The following CHN2 variants were observed in gnomAD, a reference collection of about 807,000 sequenced individuals.
The protein encoded by CHN2 is chimerin 2, also known as beta-chimaerin.
In CHN2, 35 loss-of-function variants were observed where a neutral mutation model predicts 56.3. The ratio of observed to expected loss-of-function variants is 0.62; its 90% confidence interval spans 0.47 to 0.82. CHN2 has a LOEUF of 0.82. Among genes scored for constraint, CHN2 ranks in the 40% least tolerant of loss-of-function variants. The pLI is 0.00. For synonymous variants in CHN2, 210 were observed against 212.8 expected, an observed-to-expected ratio of 0.99 and a Z score of 0.12; for missense variants, 491 against 580.5, an observed-to-expected ratio of 0.85 and a Z score of 1.58.
At chr7:29,195,257 G>C (rs2128761930) in intron 1 of CHN2, 1 of 410,734 alleles carries the variant, frequency 2.4e-6, no homozygotes, top group Non-Finnish European at 4.3e-6. Flanking sequence ...GGAGTGCAGC[G>C]AGCGAAAAGC....
At chr7:29,160,106 C>T (rs931481122) in intron 2 of CHN2, among the ~76,000 whole-genome samples, 1 of 152,106 alleles carries the variant, frequency 6.6e-6, no homozygotes, top group Non-Finnish European at 1.5e-5. Context: ...ATAAAGAAAG[C>T]TCACTTTCCT....
intron 3 of CHN2, among the ~76,000 whole-genome samples, chr7:29,383,483 A>G (rs944029377): frequency 1.3e-4 from 20 of 152,296 alleles, no homozygotes; most frequent in Middle Eastern, 3.4e-3. Context: ...GGGGAGGGCC[A>G]TCTTCTTTAC....
chr7:29,295,502 C>T (rs1476209201), intron 1 of CHN2, among the ~76,000 whole-genome samples: 1 of 151,900 alleles, frequency 6.6e-6, no homozygotes, highest in Non-Finnish European at 1.5e-5. Context: ...GTGGCTCACG[C>T]CTGTGATCTC....
At chr7:29,282,416 T>A (rs1215198146) in intron 1 of CHN2, among the ~76,000 whole-genome samples, 1 of 152,232 alleles carries the variant, frequency 6.6e-6, no homozygotes, top group East Asian at 1.9e-4. Flanking sequence ...CTGAAATAGC[T>A]TTCCTTTTTC....
At chr7:29,260,807 G>A (rs1461339958) in intron 1 of CHN2, among the ~76,000 whole-genome samples, 1 of 152,172 alleles carries the variant, frequency 6.6e-6, no homozygotes, top group Admixed American at 6.5e-5. Context: ...GTCTGTGGTA[G>A]TTTCTCCCAA....
chr7:29,197,940 C>T (rs1290519528), intron 1 of CHN2: 2 of 456,248 alleles, frequency 4.4e-6, no homozygotes, highest in Non-Finnish European at 8.8e-6. Flanking sequence ...GAGAAAAAGA[C>T]ATTTCAGGAA....
chr7:29,212,875 C>T (rs1206980189), intron 1 of CHN2: 16 of 1,610,688 alleles, frequency 9.9e-6, no homozygotes, highest in Non-Finnish European at 1.4e-5. Flanking sequence ...GACTGGGAAC[C>T]TTCCAATGTG....
rs146425768 is a variant in CHN2 at position 29,163,744 on chromosome 7, A to G, written c.274+16784A>G. Among the ~76,000 whole-genome samples the G allele has an allele frequency of 3.3e-3, 509 of 152,282 alleles. 2 individuals are homozygous for G. The highest frequency in any genetic ancestry group is 0.012 in the African/African-American group (486 of 41,562). Reference sequence around the variant, plus strand: ...AATTGCTGATCAGCTTTCCATTACTATAGATTAGCTTGCATTTTTAAAATT... The same window carrying G: ...AATTGCTGATCAGCTTTCCATTACTGTAGATTAGCTTGCATTTTTAAAATT... On this transcript the variant is annotated intron_variant, in intron 2 of 6. Transcript: ENST00000439384.
At chr7:29,271,219 G>A (rs1433264123) in intron 1 of CHN2, among the ~76,000 whole-genome samples, 1 of 152,154 alleles carries the variant, frequency 6.6e-6, no homozygotes, top group Non-Finnish European at 1.5e-5. Flanking sequence ...CTTTGGCTGT[G>A]GTAGGTCCCT....
At chr7:29,256,945 T>C (rs1789128578) in intron 1 of CHN2, among the ~76,000 whole-genome samples, 1 of 152,216 alleles carries the variant, frequency 6.6e-6, no homozygotes, top group Admixed American at 6.5e-5. Flanking sequence ...TATGTGATAC[T>C]TTCTTGGAGC....
intron 2 of CHN2, among the ~76,000 whole-genome samples, chr7:29,160,032 G>A (rs1274471688): frequency 6.6e-6 from 1 of 152,174 alleles, no homozygotes; most frequent in Non-Finnish European, 1.5e-5. Context: ...GTGTTGTGGA[G>A]AGCCAATCTT....
chr7:29,426,901 C>T (rs1401396011), intron 6 of CHN2, among the ~76,000 whole-genome samples: 2 of 152,210 alleles, frequency 1.3e-5, no homozygotes, highest in African/African-American at 2.4e-5. Flanking sequence ...CTCCCATCTT[C>T]CTTCTCACAT....
intron 2 of CHN2, among the ~76,000 whole-genome samples, chr7:29,156,368 A>G (rs1794373571): frequency 6.6e-6 from 1 of 152,178 alleles, no homozygotes; most frequent in South Asian, 2.1e-4. Context: ...GATATGAAGG[A>G]CACATTTTAA....
chr7:29,471,678 C>T (rs1786056892), intron 6 of CHN2, among the ~76,000 whole-genome samples: 2 of 152,068 alleles, frequency 1.3e-5, no homozygotes, highest in African/African-American at 4.8e-5. Context: ...GAATAATCGG[C>T]GTGGCAGCTG....
chr7:29,351,083 G>A (rs1797841761), intron 1 of CHN2, among the ~76,000 whole-genome samples: 1 of 136,384 alleles, frequency 7.3e-6, no homozygotes, highest in African/African-American at 2.6e-5. Context: ...ACTCTAGCGT[G>A]GGCAACGGAG....
intron 6 of CHN2, among the ~76,000 whole-genome samples, chr7:29,407,826 T>C (rs754543079): frequency 1.7e-4 from 26 of 152,326 alleles, no homozygotes; most frequent in Middle Eastern, 3.4e-3. Flanking sequence ...GTCTGAGCAA[T>C]TGCTGATTTG....
intron 6 of CHN2, among the ~76,000 whole-genome samples, chr7:29,441,351 G>A (rs1330414122): frequency 6.9e-6 from 1 of 145,478 alleles, no homozygotes; most frequent in Non-Finnish European, 1.5e-5. Context: ...AGACTTAAAA[G>A]AAAACATTTC....
chr7:29,298,934 G>A (rs1793417386), intron 1 of CHN2, among the ~76,000 whole-genome samples: 1 of 152,088 alleles, frequency 6.6e-6, no homozygotes, highest in Non-Finnish European at 1.5e-5. Context: ...TTTATACTGG[G>A]CCTGATTATT....
intron 1 of CHN2, among the ~76,000 whole-genome samples, chr7:29,239,654 G>A (rs245957): frequency 0.075 from 11,351 of 152,182 alleles, 798 homozygotes; most frequent in African/African-American, 0.18. Flanking sequence ...TGTCCCATTG[G>A]TTCAGGGCTT....
Sources: gnomAD v4.1 joint callset for allele counts (sites outside exome capture counted in the v4.1 genomes callset) on GRCh38, gnomAD v4.1.1 for gene constraint, MANE v1.5 for transcripts, NCBI Gene and HGNC (gene_info 2026-07-23, HGNC 2026-07-21) for gene names.